IQSEC1: variants seen among roughly 807,000 people sequenced by gnomAD.
IQSEC1 encodes the protein IQ motif and SEC7 domain-containing protein 1.
A neutral mutation model predicts 91.0 loss-of-function variants in IQSEC1; 31 were observed. The observed-to-expected ratio is 0.34, with a 90% CI of 0.26 to 0.46. IQSEC1 has a LOEUF of 0.46. IQSEC1 is among the 20% of genes least tolerant of loss of function. The pLI is 1.00. For synonymous variants in IQSEC1, 699 were observed against 662.6 expected (o/e 1.05, Z -0.84); for missense variants, 1,388 against 1,575.6 (o/e 0.88, Z 2.02).
chr3:12,908,400 C>T lies in IQSEC1; in HGVS notation c.2704G>A (p.Gly902Ser), dbSNP rs1575860101. 1 of 1,612,908 alleles carries T rather than the reference C, an allele frequency of 6.2e-7. No individual in the cohort carries two copies. Among genetic ancestry groups the T allele is most frequent in the Non-Finnish European group, 8.5e-7 (1 of 1,180,034 alleles). ...CLDDSYASGE[G>S]LKRSALSSSL... ...CTGCTGAGGGCGCTGCGCTTGAGGC[C>T]CTCACCGCTGGCATAGCTGTCGTCC... The change falls in exon 12 of 14, where the codon GGC (glycine) becomes AGC (serine). Residue 902 changes from glycine to serine, a missense_variant. By Grantham distance (56) the Gly-to-Ser change is moderately conservative. Transcript: ENST00000613206. The surrounding 1 kb of genome is among the most constrained non-coding windows in gnomAD (Gnocchi z 4.9).
chr3:12,921,354 G>C lies in IQSEC1; in HGVS notation c.1854-758C>G, dbSNP rs139217942. ...GGGGTTGTCCTCCCTCTGTGTCCTC[G>C]ATCCTCCTGGCCCCATCACCAGTGT... On this transcript the variant is annotated intron_variant, in intron 5 of 13. Coordinates refer to ENST00000613206, the MANE Select transcript of IQSEC1 (RefSeq NM_001134382.3). 2.0e-3 allele frequency among the ~76,000 whole-genome samples: 309 copies of C among 152,276 alleles called. 1 individual carries two copies. The highest frequency in any genetic ancestry group is 3.7e-3 in the Non-Finnish European group (253 of 68,006).
intron 1 of IQSEC1, among the ~76,000 whole-genome samples, chr3:13,183,182 C>T (rs111541350): frequency 0.085 from 12,225 of 143,754 alleles, 1,499 homozygotes; most frequent in African/African-American, 0.29. Flanking sequence ...AATAAACAAA[C>T]AAACAAACAA....
chr3:13,249,279 C>T (rs1695156409), intron 1 of IQSEC1, among the ~76,000 whole-genome samples: 1 of 146,302 alleles, frequency 6.8e-6, no homozygotes, highest in East Asian at 2.1e-4. Flanking sequence ...TCTTGCCATT[C>T]TCCTGCCTTA....
intron 1 of IQSEC1, among the ~76,000 whole-genome samples, chr3:13,256,265 C>A (rs1020556446): frequency 6.6e-6 from 1 of 152,174 alleles, no homozygotes; most frequent in African/African-American, 2.4e-5. Flanking sequence ...TTCCCACATT[C>A]TTCTGTACAC....
chr3:13,265,401 C>T (rs984659794), intron 1 of IQSEC1, among the ~76,000 whole-genome samples: 3 of 152,226 alleles, frequency 2.0e-5, no homozygotes, highest in Non-Finnish European at 2.9e-5. Flanking sequence ...CCTCCACCCC[C>T]ACTCCCTCAA....
At chr3:12,985,663 G>T (rs376311) in intron 1 of IQSEC1, among the ~76,000 whole-genome samples, 123,028 of 151,644 alleles carry the variant, frequency 0.81, 50,128 homozygotes, top group East Asian at 0.96. Context: ...GTGGCAGAGT[G>T]GGGGGGGTCA....
chr3:13,174,836 C>G (rs543064355), intron 1 of IQSEC1, among the ~76,000 whole-genome samples: 1 of 130,866 alleles, frequency 7.6e-6, no homozygotes, highest in South Asian at 2.5e-4. Context: ...TTTCTGCTCC[C>G]CCCCCCCACC....
intron 2 of IQSEC1, among the ~76,000 whole-genome samples, chr3:12,938,190 CCTGT>C (rs1698397514): frequency 6.6e-6 from 1 of 152,192 alleles, no homozygotes; most frequent in South Asian, 2.1e-4. Flanking sequence ...GTTGCACCTG[CCTGT>C]ATGGTCCCAG....
At chr3:13,047,539 G>A (rs17775620) in intron 1 of IQSEC1, 193,813 of 982,260 alleles carry the variant, frequency 0.2, 20,028 homozygotes, top group South Asian at 0.38. Context: ...TGGCAAAAGC[G>A]AGACAGGGTT....
chr3:13,196,337 G>A (rs553651845), intron 1 of IQSEC1, among the ~76,000 whole-genome samples: 3 of 152,332 alleles, frequency 2.0e-5, no homozygotes, highest in Admixed American at 1.3e-4. Context: ...CGCAGACGTT[G>A]TGGAGCAGAG....
intron 1 of IQSEC1, among the ~76,000 whole-genome samples, chr3:13,236,883 G>A (rs1209139204): frequency 6.6e-6 from 1 of 152,120 alleles, no homozygotes; most frequent in Non-Finnish European, 1.5e-5. Flanking sequence ...GGGTGTTTTT[G>A]GGGAAACAAC....
chr3:13,216,600 G>A (rs1694555677), intron 1 of IQSEC1, among the ~76,000 whole-genome samples: 1 of 152,208 alleles, frequency 6.6e-6, no homozygotes, highest in African/African-American at 2.4e-5. Flanking sequence ...AGGGGCTAGA[G>A]AAATGAATAT....
chr3:13,158,894 G>T (rs985684462), intron 2 of IQSEC1, among the ~76,000 whole-genome samples: 8 of 152,068 alleles, frequency 5.3e-5, no homozygotes, highest in African/African-American at 1.9e-4. Flanking sequence ...CCCAGGAGGC[G>T]GAGGTTGCAG....
At chr3:13,264,815 A>G (rs1261300125) in intron 1 of IQSEC1, among the ~76,000 whole-genome samples, 2 of 146,564 alleles carry the variant, frequency 1.4e-5, no homozygotes, top group Non-Finnish European at 3.0e-5. Context: ...CTCTCACTCT[A>G]TCCCTCTGGT....
In IQSEC1 at chr3:13,266,055, C is replaced by T. The variant is rs566297729; in HGVS notation, c.272+16656G>A. 1.1e-4 allele frequency among the ~76,000 whole-genome samples: 16 copies of T among 152,002 alleles called. No individual in the cohort carries two copies. In the South Asian group the frequency reaches 2.5e-3, roughly 24 times the overall value. On this transcript the variant is annotated intron_variant, in intron 1 of 15. Transcript: ENST00000648114. The stretch of plus-strand genomic sequence containing the variant: ...TCCCCACACCTGAAATGATCATGAC[C>T]GAGGTCCACTATGGAGCGAGTGCTC...
At chr3:13,134,175 T>C (rs1706669283) in intron 2 of IQSEC1, among the ~76,000 whole-genome samples, 1 of 152,224 alleles carries the variant, frequency 6.6e-6, no homozygotes, top group Non-Finnish European at 1.5e-5. Flanking sequence ...GTGGATAGCA[T>C]GGCCTCTAGG....
intron 3 of IQSEC1, among the ~76,000 whole-genome samples, chr3:12,932,451 C>T (rs574875563): frequency 6.6e-6 from 1 of 152,338 alleles, no homozygotes; most frequent in African/African-American, 2.4e-5. Context: ...CTCAGCTCAC[C>T]CACTGCACAG....
intron 1 of IQSEC1, among the ~76,000 whole-genome samples, chr3:13,183,718 CTTGTG>C (rs1693884583): frequency 6.6e-6 from 1 of 152,110 alleles, no homozygotes; most frequent in East Asian, 1.9e-4. Context: ...TAATGCAATT[CTTGTG>C]TTTTGTTTGT....
chr3:13,209,395 G>A (rs1024371737), intron 1 of IQSEC1, among the ~76,000 whole-genome samples: 3 of 152,170 alleles, frequency 2.0e-5, no homozygotes, highest in African/African-American at 7.2e-5. Flanking sequence ...CCTTTCCCAG[G>A]GCCCAGCTAA....
Sources: gnomAD v4.1 joint callset for allele counts (sites outside exome capture counted in the v4.1 genomes callset) on GRCh38, gnomAD v4.1.1 for gene constraint, Gnocchi (gnomAD v3.1) non-coding constraint, MANE v1.5 for transcripts, NCBI Gene and HGNC (gene_info 2026-07-23, HGNC 2026-07-21) for gene names.